Variants in APOBEC3B observed in about 807,000 individuals in gnomAD.
The protein encoded by APOBEC3B is DNA dC->dU-editing enzyme APOBEC-3B.
In APOBEC3B, 29 loss-of-function variants were observed where a neutral mutation model predicts 53.4. The observed-to-expected ratio is 0.54, with a 90% confidence interval of 0.40 to 0.74. The LOEUF is 0.74. APOBEC3B is among the 30% of genes least tolerant of loss of function. The pLI, the probability that APOBEC3B is intolerant of heterozygous loss-of-function variation, is 0.00. For missense variants in APOBEC3B, 347 were observed against 496.2 expected, an observed-to-expected ratio of 0.70 and a Z score of 2.86; for synonymous variants, 132 against 184.8, an observed-to-expected ratio of 0.71 and a Z score of 2.32.
At chr22:38,987,166 C>T (rs986775287) in intron 4 of APOBEC3B, among the ~76,000 whole-genome samples, 1 of 148,972 alleles carries the variant, frequency 6.7e-6, no homozygotes, top group Non-Finnish European at 1.5e-5. Context: ...GGAGGCTGCA[C>T]ATGAAGCCCC....
chr22:38,989,409 C>T (rs1923897320), intron 4 of APOBEC3B, 48 bp from the exon 5 acceptor site: 1 of 1,499,394 alleles, frequency 6.7e-7, no homozygotes. Flanking sequence ...GAGAGGTAGT[C>T]CCAGGAGGAG....
chr22:38,988,698 T>TTTCTTTCTTTCTTTCC (rs1484811993), intron 4 of APOBEC3B, among the ~76,000 whole-genome samples: 3 of 115,202 alleles, frequency 2.6e-5, no homozygotes, highest in Non-Finnish European at 5.1e-5. Flanking sequence ...TCTTTCTTTC[T>TTTCTTTCTTTCTTTCC]TTCTTTCTTT....
At position 38,989,545 on chromosome 22, in the gene APOBEC3B, G is replaced by A; in HGVS notation, c.658G>A (p.Val220Met). ...RRRQTYLCYE[V>M]ERLDNGTWVL... Reference sequence around the variant, plus strand: ...GCGCCAGACCTACTTGTGCTATGAGGTGGAGCGCCTGGACAATGGCACCTG... The same window carrying A: ...GCGCCAGACCTACTTGTGCTATGAGATGGAGCGCCTGGACAATGGCACCTG... The change falls in exon 5 of 8, where the codon GTG becomes ATG. Residue 220 changes from valine to methionine, a missense_variant. By Grantham distance (21) the Val-to-Met change is conservative. This residue lies in a region of APOBEC3B where 156 missense variants were observed against 166.7 expected (regional missense o/e 0.94). Coordinates refer to ENST00000333467, the MANE Select transcript of APOBEC3B (RefSeq NM_004900.5). 6.3e-7 allele frequency: 1 copy of A among 1,589,938 alleles called. No individual in the cohort carries two copies. The highest frequency in any genetic ancestry group is 8.5e-7 in the Non-Finnish European group (1 of 1,170,062).
rs763819604 is a variant in APOBEC3B at position 38,982,449 on chromosome 22, T to C, written c.-5T>C. The C allele has an allele frequency of 5.0e-6, 8 of 1,593,540 alleles. No individual in the cohort carries two copies. In the African/African-American group the frequency reaches 9.4e-5, roughly 19 times the overall value. On this transcript the variant is annotated 5_prime_UTR_variant, in exon 1 of 8. Transcript: ENST00000333467. ...ACAGGGACAAGCGTATCTAAGAGGC[T>C]GAACATGAATCCACAGATCAGGTAC...
chr22:38,989,503 C>G lies in APOBEC3B; in HGVS notation c.616C>G (p.Pro206Ala). 1 of 1,588,384 alleles carries G rather than the reference C, an allele frequency of 6.3e-7. No homozygotes were observed. The highest frequency in any genetic ancestry group is 8.6e-7 in the Non-Finnish European group (1 of 1,168,998). The part of the protein sequence containing the change: ...DTFTFNFNND[P>A]LVLRRRQTYL... ...ATTCACTTTCAACTTTAATAATGAC[C>G]CTTTGGTCCTTCGACGGCGCCAGAC... is the stretch of plus-strand genomic sequence containing the variant. The change falls in exon 5 of 8, where the codon CCT becomes GCT. Residue 206 changes from proline (P) to alanine (A), a missense_variant. By Grantham distance (27) the Pro-to-Ala change is conservative (BLOSUM62 -1). This residue lies in a region of APOBEC3B where 156 missense variants were observed against 166.7 expected (regional missense o/e 0.94). Coordinates refer to ENST00000333467, the MANE Select transcript of APOBEC3B (RefSeq NM_004900.5).
At chr22:38,986,460 A>T in intron 4 of APOBEC3B, 48 bp downstream of exon 4, 1 of 1,573,720 alleles carries the variant, frequency 6.4e-7, no homozygotes, top group Non-Finnish European at 8.6e-7. Context: ...TCACCTGCTC[A>T]TCCTCCTGAG....
chr22:38,989,504 C>T lies in APOBEC3B; in HGVS notation c.617C>T (p.Pro206Leu), dbSNP rs1201363494. ...DTFTFNFNND[P>L]LVLRRRQTYL... ...TTCACTTTCAACTTTAATAATGACC[C>T]TTTGGTCCTTCGACGGCGCCAGACC... The change falls in exon 5 of 8, where the codon CCT becomes CTT. Residue 206 changes from proline (P) to leucine (L), a missense_variant. Pro to Leu is a moderately conservative substitution (Grantham distance 98). This residue lies in a region of APOBEC3B where 156 missense variants were observed against 166.7 expected (regional missense o/e 0.94). Transcript: ENST00000333467. 2 of 1,588,664 alleles carry T rather than the reference C, an allele frequency of 1.3e-6. No individual in the cohort carries two copies. The highest frequency in any genetic ancestry group is 1.3e-5 in the African/African-American group (1 of 74,140).
At position 38,992,768 on chromosome 22, in the gene APOBEC3B, C is replaced by T. The variant is rs1924064817; in HGVS notation, c.*323C>T. On this transcript the variant is annotated 3_prime_UTR_variant, in exon 8 of 8. Coordinates refer to ENST00000333467, the MANE Select transcript of APOBEC3B (RefSeq NM_004900.5). Reference sequence around the variant, plus strand: ...CATTAAGAATCTTCCATAATTGTTTCCACAAACACTAGCAAATGTGTAGAT... The same window carrying T: ...CATTAAGAATCTTCCATAATTGTTTTCACAAACACTAGCAAATGTGTAGAT... 4.6e-6 allele frequency: 3 copies of T among 650,828 alleles called. No individual in the cohort carries two copies. The highest frequency in any genetic ancestry group is 3.6e-5 in the African/African-American group (2 of 54,878). The allele number at this position is 650,828 out of a possible 1,614,324, so 40.3% of individuals were successfully genotyped here.
intron 1 of APOBEC3B, 21 bp downstream of exon 1, chr22:38,982,491 T>A: frequency 6.3e-7 from 1 of 1,593,096 alleles, no homozygotes; most frequent in Non-Finnish European, 8.5e-7. Context: ...CCACTCTGCC[T>A]GCTGGGCCCC....
intron 1 of APOBEC3B, 71 bp from the exon 2 acceptor site, chr22:38,984,004 C>A: frequency 6.6e-7 from 1 of 1,516,566 alleles, no homozygotes; most frequent in South Asian, 1.3e-5. Flanking sequence ...GAGCTGTGTT[C>A]AGTGGACATG....
rs997538931 is a variant in APOBEC3B, at chr22:38,990,897, G to T, written c.724-435G>T. Reference sequence around the variant, plus strand: ...TGGGTCTGGGGTGAGGGTCCTGAAGGCTCTGACCTTGGGTACAAAATTGAT... The same window carrying T: ...TGGGTCTGGGGTGAGGGTCCTGAAGTCTCTGACCTTGGGTACAAAATTGAT... On this transcript the variant is annotated intron_variant, in intron 5 of 7. Coordinates refer to ENST00000333467, the MANE Select transcript of APOBEC3B (RefSeq NM_004900.5). 1.2e-3 allele frequency among the ~76,000 whole-genome samples: 177 copies of T among 146,714 alleles called. 6 individuals carry two copies. Among genetic ancestry groups the T allele is most frequent in the African/African-American group, 4.2e-3 (170 of 40,004 alleles).
chr22:38,988,694 T>TC lies in APOBEC3B; in HGVS notation c.570-763_570-762insC, dbSNP rs1491185357. The stretch of plus-strand genomic sequence containing the variant: ...CTCTTTCTCTCTTTCTCTTTCTTTC[T>TC]TTCTTTCTTTCTTTCTTTCTTTCTT... On this transcript the variant is annotated intron_variant, in intron 4 of 7. Coordinates refer to ENST00000333467, the MANE Select transcript of APOBEC3B (RefSeq NM_004900.5). Among the ~76,000 whole-genome samples, 13 of 111,896 alleles carry TC rather than the reference T, an allele frequency of 1.2e-4. 1 individual carries two copies. In the East Asian group the frequency reaches 2.0e-3, roughly 17 times the overall value. The allele number at this position is 111,896 out of a possible 152,430, so 73.4% of individuals were successfully genotyped here.
Position 38,987,710 on chromosome 22 carries a change from C to T in APOBEC3B, c.569+1298C>T, listed in dbSNP as rs1923798236. 2.7e-5 allele frequency among the ~76,000 whole-genome samples: 4 copies of T among 148,542 alleles called. 1 individual carries two copies. In the South Asian group the frequency reaches 6.7e-4, roughly 25 times the overall value. Reference sequence around the variant, plus strand: ...GTGAGCAGAGGAGGATGCACACGACCCCAGACACAGGCTCCTCCTCCGTGA... The same window carrying T: ...GTGAGCAGAGGAGGATGCACACGACTCCAGACACAGGCTCCTCCTCCGTGA... On this transcript the variant is annotated intron_variant, in intron 4 of 7. Transcript: ENST00000333467.
intron 6 of APOBEC3B, 128 bp from the exon 7 acceptor site, chr22:38,991,906 T>C (rs1569040438): frequency 7.2e-7 from 1 of 1,389,378 alleles, no homozygotes; most frequent in Non-Finnish European, 9.5e-7. Flanking sequence ...GCTAAGTCCC[T>C]AGGGGAGGGA....
chr22:38,992,674 A>G lies in APOBEC3B; in HGVS notation c.*229A>G, dbSNP rs1481809810. ...AGTGTACAAGAGTAAGATTATGCTC[A>G]ATATTCCCAGAATAGTTTTCAATGT... On this transcript the variant is annotated 3_prime_UTR_variant, in exon 8 of 8. Coordinates refer to ENST00000333467, the MANE Select transcript of APOBEC3B (RefSeq NM_004900.5). The G allele has an allele frequency of 1.6e-6, 2 of 1,239,256 alleles. No individual in the cohort carries two copies. Among genetic ancestry groups the G allele is most frequent in the African/African-American group, 1.5e-5 (1 of 65,560 alleles). The allele number at this position is 1,239,256 out of a possible 1,614,324, so 76.8% of individuals were successfully genotyped here. A position where few individuals can be genotyped will look rare whatever the true frequency, so the allele number is the denominator to read the frequency against.
intron 4 of APOBEC3B, among the ~76,000 whole-genome samples, chr22:38,989,213 T>C (rs1164441803): frequency 1.3e-5 from 2 of 148,150 alleles, no homozygotes; most frequent in African/African-American, 4.9e-5. Context: ...CACACTGAGC[T>C]GACCCTGGGG....
In APOBEC3B at chr22:38,991,478, C is replaced by T. The variant is rs751412009; in HGVS notation, c.870C>T (p.Ala290=). The change falls in exon 6 of 8, where the codon GCC becomes GCT. Residue 290 remains alanine, a synonymous_variant. Coordinates refer to ENST00000333467, the MANE Select transcript of APOBEC3B (RefSeq NM_004900.5). ...GCCCCTGCTTCTCCTGGGGCTGTGC[C>T]GGGGAAGTGCGTGCGTTCCTTCAGG... The part of the protein sequence containing the change: ...SWSPCFSWGC[A]GEVRAFLQEN... 10 of 1,593,490 alleles carry T rather than the reference C, an allele frequency of 6.3e-6. No individual in the cohort carries two copies. The East Asian group carries it at 7.4e-5, about 12-fold the overall frequency.
Position 38,983,971 on chromosome 22 carries a change from G to A in APOBEC3B, c.18-104G>A, listed in dbSNP as rs557715283. ...AAATTCTCAGGGCTGTGGAGGGGTC[G>A]GGGAGGCCCAGGGCCATCCTGGGAG... On this transcript the variant is annotated intron_variant, in intron 1 of 7. Coordinates refer to ENST00000333467, the MANE Select transcript of APOBEC3B (RefSeq NM_004900.5). The A allele has an allele frequency of 7.8e-4, 1,070 of 1,366,210 alleles. 51 individuals carry two copies. Among genetic ancestry groups the A allele is most frequent in the African/African-American group, 8.9e-4 (62 of 69,420 alleles). 84.6% of individuals were successfully genotyped at this position (1,366,210 alleles called of 1,614,324 possible).
In APOBEC3B at chr22:38,992,052, A is replaced by G; in HGVS notation, c.1037A>G (p.Asp346Gly). Residue 346 changes from aspartate (D) to glycine (G), a missense_variant, in exon 7 of 8, where the codon GAC becomes GGC. Coordinates refer to ENST00000333467, the MANE Select transcript of APOBEC3B (RefSeq NM_004900.5). ...MTYDEFEYCW[D>G]TFVYRQGCPF... ...TTTTCAGAGTTTGAGTACTGCTGGG[A>G]CACCTTTGTGTACCGCCAGGGATGT... 1 of 1,587,388 alleles carries G rather than the reference A, an allele frequency of 6.3e-7. No homozygotes were observed. The highest frequency in any genetic ancestry group is 8.6e-7 in the Non-Finnish European group (1 of 1,169,578).
Sources: allele counts gnomAD v4.1 joint callset (sites outside exome capture counted in the v4.1 genomes callset), GRCh38; gene constraint gnomAD v4.1.1; regional missense constraint gnomAD v4.1.1; transcripts MANE v1.5; gene names NCBI Gene and HGNC (gene_info 2026-07-23, HGNC 2026-07-21).